The following SMARCD3 variants were observed in gnomAD, a reference collection of about 807,000 sequenced individuals.
The protein encoded by SMARCD3 is SWI/SNF-related matrix-associated actin-dependent regulator of chromatin subfamily D member 3.
Under a neutral mutation model 58.0 loss-of-function variants are expected in SMARCD3, and 14 were observed. The observed-to-expected ratio is 0.24, with a 90% CI of 0.16 to 0.38. The LOEUF (loss-of-function observed/expected upper bound fraction) is 0.38, where lower values mean the gene tolerates loss of function less well. SMARCD3 is among the 10% of genes least tolerant of loss of function. SMARCD3 has a pLI of 1.00. For synonymous variants in SMARCD3, 253 were observed against 253.8 expected (o/e 1.00, Z 0.03); for missense variants, 408 against 636.9 (o/e 0.64, Z 3.87).
intron 2 of SMARCD3, among the ~76,000 whole-genome samples, chr7:151,268,942 CCT>C (rs947390017): frequency 2.6e-5 from 4 of 152,116 alleles, no homozygotes; most frequent in African/African-American, 9.7e-5. Context: ...CACAATGATC[CCT>C]CAGTCTTTAC....
At chr7:151,250,874 A>T (rs1278175833), upstream of SMARCD3, among the ~76,000 whole-genome samples, 1 of 152,066 alleles carries the variant, frequency 6.6e-6, no homozygotes, top group Non-Finnish European at 1.5e-5. Flanking sequence ...CAATGCATGG[A>T]GCTGGTACTC....
In SMARCD3 at chr7:151,239,781, T is replaced by C. The variant is rs1802862382; in HGVS notation, c.1174-35A>G. Reference sequence around the variant, plus strand: ...GAAAGATAGATGCTTTCCACCTGGCTTTGGTGATGTGGGAGACGAGGGGAA... The same window carrying C: ...GAAAGATAGATGCTTTCCACCTGGCCTTGGTGATGTGGGAGACGAGGGGAA... On this transcript the variant is annotated intron_variant, in intron 10 of 12. Transcript: ENST00000262188. The surrounding 1 kb of genome is among the most constrained non-coding windows in gnomAD (Gnocchi z 7.0). The C allele has an allele frequency of 1.2e-6, 2 of 1,612,378 alleles. No homozygotes were observed. Among genetic ancestry groups the C allele is most frequent in the African/African-American group, 2.7e-5 (2 of 74,800 alleles).
Position 151,239,893 on chromosome 7 carries a change from G to A in SMARCD3, c.1174-147C>T. Reference sequence around the variant, plus strand: ...CCCCTGATTTCTCTGAAGTCCCAGGGGAGGAGGGGATGGGCAGAACTAAAC... The same window carrying A: ...CCCCTGATTTCTCTGAAGTCCCAGGAGAGGAGGGGATGGGCAGAACTAAAC... On this transcript the variant is annotated intron_variant, in intron 10 of 12. Transcript: ENST00000262188. This position sits in a 1 kb window ranked among gnomAD's most constrained non-coding sequence, Gnocchi z 7.0. 1 of 987,418 alleles carries A rather than the reference G, an allele frequency of 1.0e-6. No individual in the cohort carries two copies. The highest frequency in any genetic ancestry group is 1.6e-5 in the South Asian group (1 of 62,902). 61.2% of individuals were successfully genotyped at this position (987,418 alleles called of 1,614,324 possible).
chr7:151,259,428 T>TG (rs1171138545), intron 2 of SMARCD3, among the ~76,000 whole-genome samples: 182 of 150,562 alleles, frequency 1.2e-3, no homozygotes, highest in Non-Finnish European at 2.4e-3. Flanking sequence ...TGTGTGTGTG[T>TG]TTCTAAAGGA....
chr7:151,268,119 A>G (rs527598942), intron 2 of SMARCD3, among the ~76,000 whole-genome samples: 6 of 152,290 alleles, frequency 3.9e-5, no homozygotes, highest in African/African-American at 1.4e-4. Context: ...GTGGCAGGCA[A>G]GGAAAGCTCA....
Position 151,242,355 on chromosome 7 carries a change from C to A in SMARCD3, c.580-123G>T. Reference sequence around the variant, plus strand: ...ATGAAATCCTCTGCACTTGGAATGTCTCTAGGCCTGCCCCTCCACCCAGCC... The same window carrying A: ...ATGAAATCCTCTGCACTTGGAATGTATCTAGGCCTGCCCCTCCACCCAGCC... On this transcript the variant is annotated intron_variant, in intron 5 of 12. Coordinates refer to ENST00000262188, the MANE Select transcript of SMARCD3 (RefSeq NM_001003801.2). This position sits in a 1 kb window ranked among gnomAD's most constrained non-coding sequence, Gnocchi z 4.7. 6.9e-7 allele frequency: 1 copy of A among 1,455,506 alleles called. No homozygotes were observed. Among genetic ancestry groups the A allele is most frequent in the Non-Finnish European group, 9.6e-7 (1 of 1,045,818 alleles). The allele number at this position is 1,455,506 out of a possible 1,614,324, so 90.2% of individuals were successfully genotyped here. A position where few individuals can be genotyped will look rare whatever the true frequency, so the allele number is the denominator to read the frequency against.
chr7:151,241,139 G>A lies in SMARCD3; in HGVS notation c.939+353C>T, dbSNP rs532796933. The A allele has an allele frequency of 5.7e-6, 2 of 351,534 alleles. No homozygotes were observed. Among genetic ancestry groups the A allele is most frequent in the South Asian group, 2.6e-5 (1 of 38,130 alleles). The allele number at this position is 351,534 out of a possible 1,614,324, so 21.8% of individuals were successfully genotyped here. On this transcript the variant is annotated intron_variant, in intron 8 of 12. Transcript: ENST00000262188. The surrounding 1 kb of genome is among the most constrained non-coding windows in gnomAD (Gnocchi z 5.3). ...CTCCACTTCAAAGATAAGGAAACAA[G>A]GTTCAGAATCGCTGAGTCACTTACC...
At chr7:151,260,497 G>C (rs1803881777) in intron 2 of SMARCD3, among the ~76,000 whole-genome samples, 1 of 151,086 alleles carries the variant, frequency 6.6e-6, no homozygotes, top group African/African-American at 2.4e-5. Flanking sequence ...CCAAAAACAA[G>C]AAAAAAAAAT....
chr7:151,239,224 C>T lies in SMARCD3; in HGVS notation c.1399-68G>A, dbSNP rs1035581879. 5 of 1,516,840 alleles carry T rather than the reference C, an allele frequency of 3.3e-6. No homozygotes were observed. The highest frequency in any genetic ancestry group is 2.7e-5 in the African/African-American group (2 of 72,994). 94.0% of individuals were successfully genotyped at this position (1,516,840 alleles called of 1,614,324 possible). A position where few individuals can be genotyped will look rare whatever the true frequency, so the allele number is the denominator to read the frequency against. Reference sequence around the variant, plus strand: ...TGAGTGATCAGGACAATCCCACCTACTGACACCGCCTGCCCTGAAAGAGCA... The same window carrying T: ...TGAGTGATCAGGACAATCCCACCTATTGACACCGCCTGCCCTGAAAGAGCA... On this transcript the variant is annotated intron_variant, in intron 12 of 12. Transcript: ENST00000262188. This position sits in a 1 kb window ranked among gnomAD's most constrained non-coding sequence, Gnocchi z 7.0.
intron 2 of SMARCD3, among the ~76,000 whole-genome samples, chr7:151,269,751 T>A (rs750622084): frequency 1.3e-5 from 2 of 152,058 alleles, no homozygotes; most frequent in Non-Finnish European, 2.9e-5. Flanking sequence ...CAGCATCCCA[T>A]GTGAACACTT....
intron 2 of SMARCD3, among the ~76,000 whole-genome samples, chr7:151,263,976 A>G (rs957502219): frequency 2.0e-5 from 3 of 150,750 alleles, no homozygotes. Flanking sequence ...GTCCCTGCCC[A>G]CCTCAGGACC....
At chr7:151,244,791 G>A (rs989882718) in intron 2 of SMARCD3, among the ~76,000 whole-genome samples, 1 of 152,158 alleles carries the variant, frequency 6.6e-6, no homozygotes, top group African/African-American at 2.4e-5. Context: ...ATGTGTATTT[G>A]GCTAAATACT....
At chr7:151,261,847 C>A (rs1034748751) in intron 2 of SMARCD3, among the ~76,000 whole-genome samples, 24 of 152,312 alleles carry the variant, frequency 1.6e-4, no homozygotes, top group African/African-American at 5.3e-4. Flanking sequence ...AGAAGCCAGC[C>A]AGGTGATCAT....
In SMARCD3 at chr7:151,240,457, G is replaced by A; in HGVS notation, c.1005C>T (p.Pro335=). 1 of 1,613,884 alleles carries A rather than the reference G, an allele frequency of 6.2e-7. No individual in the cohort carries two copies. Among genetic ancestry groups the A allele is most frequent in the South Asian group, 1.1e-5 (1 of 90,976 alleles). ...IPQRLTALLL[P]PDPIVINHVI... is the part of the protein sequence containing the mutation. ...CATGGTTGATGACAATTGGGTCAGG[G>A]GGCAATAGCAGGGCTGTGAGGCGCT... The change falls in exon 9 of 13, where the codon CCC becomes CCT. Residue 335 remains proline, a synonymous_variant. Coordinates refer to ENST00000262188, the MANE Select transcript of SMARCD3 (RefSeq NM_001003801.2).
intron 2 of SMARCD3, among the ~76,000 whole-genome samples, chr7:151,259,600 A>AGTTTTT (rs1803838638): frequency 1.5e-5 from 1 of 67,918 alleles, no homozygotes; most frequent in African/African-American, 7.8e-5. Context: ...ACAACCTGAG[A>AGTTTTT]GTTTTTTTTT....
Position 151,241,711 on chromosome 7 carries a change from G to T in SMARCD3, c.778-58C>A. 6.5e-7 allele frequency: 1 copy of T among 1,528,056 alleles called. No homozygotes were observed. 94.7% of individuals were successfully genotyped at this position (1,528,056 alleles called of 1,614,324 possible). On this transcript the variant is annotated intron_variant, in intron 7 of 12. Transcript: ENST00000262188. This position sits in a 1 kb window ranked among gnomAD's most constrained non-coding sequence, Gnocchi z 5.3. Reference sequence around the variant, plus strand: ...AGGGAGAGAAAGGAAGGAGCCCAGGGCCAGGCCATTCAGGACTAGGGGGAT... The same window carrying T: ...AGGGAGAGAAAGGAAGGAGCCCAGGTCCAGGCCATTCAGGACTAGGGGGAT...
rs78755073 is a variant in SMARCD3, at chr7:151,239,065, C to T, written c.*38G>A. ...GGGCAAAATGCTGGGGCCCGGGACACGGCTGAAAGTTCCGTCGTGCTGCTT... is the reference window on the plus strand; with the variant it reads ...GGGCAAAATGCTGGGGCCCGGGACATGGCTGAAAGTTCCGTCGTGCTGCTT... On this transcript the variant is annotated 3_prime_UTR_variant, in exon 13 of 13. Transcript: ENST00000262188. This position sits in a 1 kb window ranked among gnomAD's most constrained non-coding sequence, Gnocchi z 7.0. 2,101 of 1,607,094 alleles carry T rather than the reference C, an allele frequency of 1.3e-3. 20 individuals are homozygous for T. In the African/African-American group the frequency reaches 0.024, roughly 18 times the overall value.
intron 2 of SMARCD3, chr7:151,274,988 G>A: frequency 1.4e-6 from 1 of 734,696 alleles, no homozygotes; most frequent in Non-Finnish European, 2.4e-6. Flanking sequence ...GGGCACTAAG[G>A]AGTCCAGCTG....
At chr7:151,240,794 A>G (rs1747554344) in intron 8 of SMARCD3, 2 of 455,668 alleles carry the variant, frequency 4.4e-6, no homozygotes, top group Non-Finnish European at 8.0e-6. Flanking sequence ...GCCACTTACT[A>G]TGCAACCTGG....
Sources: gnomAD v4.1 joint callset for allele counts (sites outside exome capture counted in the v4.1 genomes callset) on GRCh38, gnomAD v4.1.1 for gene constraint, Gnocchi (gnomAD v3.1) non-coding constraint, MANE v1.5 for transcripts, NCBI Gene and HGNC (gene_info 2026-07-23, HGNC 2026-07-21) for gene names.